The following CANX variants were observed in gnomAD, a reference collection of about 807,000 sequenced individuals.
CANX encodes the protein calnexin.
In CANX, 14 loss-of-function variants were observed where a neutral mutation model predicts 75.7. The observed-to-expected ratio is 0.19, with a 90% CI of 0.12 to 0.29. The LOEUF (loss-of-function observed/expected upper bound fraction) is 0.29, where lower values mean the gene tolerates loss of function less well. Among genes scored for constraint, CANX ranks in the 10% least tolerant of loss-of-function variants. The pLI is 1.00. For synonymous variants in CANX, 227 were observed against 236.9 expected (o/e 0.96, Z 0.38); for missense variants, 567 against 713.2 (o/e 0.79, Z 2.34).
chr5:179,704,912 G>A (rs930446954), intron 1 of CANX, among the ~76,000 whole-genome samples: 2 of 152,066 alleles, frequency 1.3e-5, no homozygotes, highest in Non-Finnish European at 2.9e-5. Context: ...GTTCTAAAAC[G>A]CTAATTTGAA....
chr5:179,707,017 G>T, intron 3 of CANX, 115 bp from the exon 4 acceptor site: 1 of 684,198 alleles, frequency 1.5e-6, no homozygotes, highest in Non-Finnish European at 2.7e-6. Context: ...GTTGGAAGTA[G>T]AGTGGTTAAA....
chr5:179,718,895 C>T (rs1462465299), intron 8 of CANX, among the ~76,000 whole-genome samples: 2 of 150,600 alleles, frequency 1.3e-5, no homozygotes, highest in Non-Finnish European at 3.0e-5. Context: ...GAACTCCTGT[C>T]CTCAGGTGAT....
chr5:179,716,257 A>G lies in CANX; in HGVS notation c.874A>G (p.Lys292Glu), dbSNP rs770456727. 1.9e-6 allele frequency: 3 copies of G among 1,614,204 alleles called. No homozygotes were observed. Among genetic ancestry groups the G allele is most frequent in the South Asian group, 1.1e-5 (1 of 91,080 alleles). ...GCCCGAGGATTGGGATGAAAGACCA[A>G]AAATCCCAGATCCAGAAGCTGTCAA... ...RKPEDWDERP[K>E]IPDPEAVKPD... Residue 292 changes from lysine to glutamate, a missense_variant, in exon 8 of 15, where the codon AAA (lysine) becomes GAA (glutamate). Lys to Glu is a moderately conservative substitution (Grantham distance 56, BLOSUM62 1). Coordinates refer to ENST00000247461, the MANE Select transcript of CANX (RefSeq NM_001746.4).
chr5:179,700,853 C>T (rs1034200717), intron 1 of CANX: 2 of 151,364 alleles, frequency 1.3e-5, no homozygotes, highest in African/African-American at 4.9e-5. Context: ...ATTGTGTGCC[C>T]AGTGTGGTAA....
upstream of CANX, chr5:179,694,785 T>TAAAA: frequency 3.1e-6 from 1 of 323,968 alleles, no homozygotes; most frequent in Non-Finnish European, 5.7e-6. Flanking sequence ...TGTTTATCTG[T>TAAAA]CAAAAAAAAA....
At chr5:179,698,790 C>A, upstream of CANX, 1 of 671,026 alleles carries the variant, frequency 1.5e-6, no homozygotes, top group Non-Finnish European at 2.2e-6. Flanking sequence ...AATCTTCACA[C>A]TCCACGAAGA....
chr5:179,715,047 G>A (rs771981065), intron 7 of CANX, among the ~76,000 whole-genome samples: 5 of 152,200 alleles, frequency 3.3e-5, no homozygotes, highest in Non-Finnish European at 5.9e-5. Context: ...TTACAGGCAT[G>A]AGCCACCACA....
chr5:179,692,382 T>A (rs970367185), intron 1 of CANX, among the ~76,000 whole-genome samples: 14 of 152,126 alleles, frequency 9.2e-5, no homozygotes, highest in African/African-American at 1.7e-4. Flanking sequence ...GCCATCTGTG[T>A]TCCTTATAAC....
In CANX at chr5:179,684,926, ATTTTTTTTTT is replaced by A. The variant is rs71001039; in HGVS notation, c.-4+6170_-4+6179del. ...TGCCACCACACCTGGCTAATTTTGT[ATTTTTTTTTT>A]TTTTTTTTTTTTTTTTTTTTACTAG... On this transcript the variant is annotated intron_variant, in intron 1 of 14. Transcript: ENST00000681674. 1.5e-3 allele frequency among the ~76,000 whole-genome samples: 72 copies of A among 49,150 alleles called. 1 individual carries two copies. The highest frequency in any genetic ancestry group is 6.0e-3 in the African/African-American group (66 of 11,066). The allele number at this position is 49,150 out of a possible 152,430, so 32.2% of individuals were successfully genotyped here.
upstream of CANX, among the ~76,000 whole-genome samples, chr5:179,696,789 A>C (rs1005460111): frequency 1.3e-5 from 2 of 152,234 alleles, no homozygotes; most frequent in African/African-American, 4.8e-5. Context: ...GAATGTAAAC[A>C]GGCTGTAAAC....
chr5:179,694,625 G>A, upstream of CANX: 2 of 940,446 alleles, frequency 2.1e-6, no homozygotes, highest in South Asian at 2.6e-5. Context: ...AGACGGCAAA[G>A]CTGAAGGAGA....
chr5:179,724,793 A>G lies in CANX; in HGVS notation c.1645+10A>G. 1 of 1,599,178 alleles carries G rather than the reference A, an allele frequency of 6.3e-7. No individual in the cohort carries two copies. Among genetic ancestry groups the G allele is most frequent in the Non-Finnish European group, 8.5e-7 (1 of 1,172,004 alleles). The stretch of plus-strand genomic sequence containing the variant: ...GGAGAAGAGAAACTTGGTAAGAAAC[A>G]GAGTCCAGAAAATCTGCTTTAAGCC... On this transcript the variant is annotated intron_variant, in intron 13 of 14. Transcript: ENST00000247461.
intron 1 of CANX, among the ~76,000 whole-genome samples, chr5:179,688,162 A>G (rs1314170897): frequency 1.4e-5 from 2 of 145,624 alleles, no homozygotes; most frequent in Non-Finnish European, 3.0e-5. Context: ...GGTTCAAGCG[A>G]TTCTCTTCCC....
In CANX at chr5:179,724,909, T is replaced by C. The variant is rs959201570; in HGVS notation, c.1645+126T>C. 3.0e-5 allele frequency: 40 copies of C among 1,339,744 alleles called. 1 individual carries two copies. The South Asian group carries it at 6.1e-4, about 21-fold the overall frequency. The allele number at this position is 1,339,744 out of a possible 1,614,324, so 83.0% of individuals were successfully genotyped here. A position where few individuals can be genotyped will look rare whatever the true frequency, so the allele number is the denominator to read the frequency against. The stretch of plus-strand genomic sequence containing the variant: ...GCTCAAGCCTGTAATCCTAGCACTT[T>C]GGGAGGTTGAAGCAGGAAAATCACT... On this transcript the variant is annotated intron_variant, in intron 13 of 14. Coordinates refer to ENST00000247461, the MANE Select transcript of CANX (RefSeq NM_001746.4).
intron 1 of CANX, among the ~76,000 whole-genome samples, chr5:179,691,894 C>T (rs1776304664): frequency 6.6e-6 from 1 of 151,884 alleles, no homozygotes; most frequent in Admixed American, 6.6e-5. Context: ...TCTCCTGCCT[C>T]AGCCTCCCGA....
At chr5:179,699,127 C>T (rs1361373135) in intron 1 of CANX, 25 bp downstream of exon 1, 22 of 1,025,590 alleles carry the variant, frequency 2.1e-5, no homozygotes, top group African/African-American at 5.2e-5. Context: ...CTGAGCGCGT[C>T]CTCGGGCCTG....
In CANX at chr5:179,726,725, G is replaced by T. The variant is rs1331388035; in HGVS notation, c.1691G>T (p.Ser564Ile). Reference sequence around the variant, plus strand: ...GCTGAAGAAGATGGTGGCACTGTCAGTCAAGAGGAGGAAGACAGAAAACCT... The same window carrying T: ...GCTGAAGAAGATGGTGGCACTGTCATTCAAGAGGAGGAAGACAGAAAACCT... ...SDAEEDGGTV[S>I]QEEEDRKPKA... Residue 564 changes from serine to isoleucine, a missense_variant, in exon 14 of 15, where the codon AGT becomes ATT. Physicochemically the swap from Ser to Ile is moderately radical, Grantham distance 142. This residue lies in a region of CANX where 167 missense variants were observed against 179.3 expected (regional missense o/e 0.93). Coordinates refer to ENST00000247461, the MANE Select transcript of CANX (RefSeq NM_001746.4). 6.2e-7 allele frequency: 1 copy of T among 1,613,806 alleles called. No homozygotes were observed. Among genetic ancestry groups the T allele is most frequent in the Admixed American group, 1.7e-5 (1 of 60,002 alleles).
chr5:179,710,154 GGC>G, intron 7 of CANX, 89 bp downstream of exon 7: 1 of 806,234 alleles, frequency 1.2e-6, no homozygotes, highest in Non-Finnish European at 2.0e-6. Context: ...CGGGCACTGT[GGC>G]TCACGCCTGT....
chr5:179,724,577 C>T, intron 12 of CANX, 80 bp from the exon 13 acceptor site: 2 of 1,205,872 alleles, frequency 1.7e-6, no homozygotes, highest in Non-Finnish European at 2.4e-6. Context: ...TGGAACAGAA[C>T]TTTGCCTGTA....
Sources: gnomAD v4.1 joint callset for allele counts (sites outside exome capture counted in the v4.1 genomes callset) on GRCh38, gnomAD v4.1.1 for gene constraint, gnomAD v4.1.1 regional missense constraint, MANE v1.5 for transcripts, NCBI Gene and HGNC (gene_info 2026-07-23, HGNC 2026-07-21) for gene names.